The following BACH2 variants were observed in gnomAD, a reference collection of about 807,000 sequenced individuals.
BACH2 encodes BACH transcriptional regulator 2.
BACH2 carries 5 observed loss-of-function variants against 61.8 expected under a neutral mutation model. The observed-to-expected ratio is 0.08, with a 90% confidence interval of 0.04 to 0.17. The LOEUF is 0.17. Ranked by LOEUF, BACH2 falls within the 10% of genes least tolerant of loss-of-function variation. The pLI is 1.00. For missense variants in BACH2, 824 were observed against 1,091.1 expected, an observed-to-expected ratio of 0.76 and a Z score of 3.45; for synonymous variants, 446 against 440.1, an observed-to-expected ratio of 1.01 and a Z score of -0.17.
chr6:90,201,281 A>C (rs918848772), intron 4 of BACH2, among the ~76,000 whole-genome samples: 4 of 152,198 alleles, frequency 2.6e-5, no homozygotes, highest in Admixed American at 2.6e-4. Flanking sequence ...AAGTCCCCTT[A>C]AGAAAGGTGT....
chr6:90,013,882 C>T (rs1159578506), intron 5 of BACH2, among the ~76,000 whole-genome samples: 1 of 151,946 alleles, frequency 6.6e-6, no homozygotes, highest in Non-Finnish European at 1.5e-5. Flanking sequence ...TGGGCTCAAG[C>T]AATCTCCTGC....
intron 6 of BACH2, among the ~76,000 whole-genome samples, chr6:89,954,446 C>T (rs1450294099): frequency 1.1e-5 from 1 of 92,630 alleles, no homozygotes; most frequent in East Asian, 4.0e-4. Context: ...CTATCCCTCC[C>T]CCCTCCCCCC....
At chr6:89,985,402 C>T (rs1776186138) in intron 6 of BACH2, among the ~76,000 whole-genome samples, 1 of 152,168 alleles carries the variant, frequency 6.6e-6, no homozygotes, top group Admixed American at 6.5e-5. Context: ...GACAGGCCAT[C>T]TCCTCTCTGT....
At chr6:90,204,028 T>C (rs1769050713) in intron 4 of BACH2, among the ~76,000 whole-genome samples, 1 of 152,180 alleles carries the variant, frequency 6.6e-6, no homozygotes, top group Non-Finnish European at 1.5e-5. Context: ...CTGTGTTTTC[T>C]AGAGGGATGG....
chr6:90,202,869 A>G (rs1380603411), intron 4 of BACH2, among the ~76,000 whole-genome samples: 1 of 152,160 alleles, frequency 6.6e-6, no homozygotes, highest in East Asian at 1.9e-4. Context: ...GTCAGTATGC[A>G]CTGAACGTAC....
chr6:90,130,204 T>A (rs1210110055), intron 4 of BACH2, among the ~76,000 whole-genome samples: 1 of 152,112 alleles, frequency 6.6e-6, no homozygotes, highest in Non-Finnish European at 1.5e-5. Context: ...CACCGTTGAC[T>A]GGTGGAATTC....
chr6:89,998,567 T>A (rs1178345380), intron 6 of BACH2, among the ~76,000 whole-genome samples: 1 of 152,222 alleles, frequency 6.6e-6, no homozygotes, highest in Non-Finnish European at 1.5e-5. Flanking sequence ...AAGCCAATTC[T>A]TTTCTAGCCT....
At chr6:90,220,855 C>T (rs1769713818) in intron 3 of BACH2, among the ~76,000 whole-genome samples, 1 of 152,090 alleles carries the variant, frequency 6.6e-6, no homozygotes, top group South Asian at 2.1e-4. Context: ...TAGTTAACTA[C>T]CTGGTTTTCT....
At chr6:90,259,765 C>A (rs972861347) in intron 2 of BACH2, among the ~76,000 whole-genome samples, 8 of 152,174 alleles carry the variant, frequency 5.3e-5, no homozygotes, top group African/African-American at 1.9e-4. Flanking sequence ...CTGTTACAGG[C>A]TTTCTATTTC....
At chr6:90,016,846 T>C (rs78032275) in intron 5 of BACH2, among the ~76,000 whole-genome samples, 5,005 of 152,122 alleles carry the variant, frequency 0.033, 117 homozygotes, top group Non-Finnish European at 0.05. Context: ...AAATTGTCAT[T>C]CCACTGTCTT....
At chr6:90,169,409 C>T (rs1767738041) in intron 4 of BACH2, among the ~76,000 whole-genome samples, 1 of 152,160 alleles carries the variant, frequency 6.6e-6, no homozygotes, top group East Asian at 1.9e-4. Flanking sequence ...TCTGCAATAA[C>T]TCCTCCTATT....
intron 5 of BACH2, among the ~76,000 whole-genome samples, chr6:90,039,486 G>GCGA (rs1421051274): frequency 6.6e-6 from 1 of 152,178 alleles, no homozygotes; most frequent in Non-Finnish European, 1.5e-5. Context: ...CCAGGTTCAA[G>GCGA]CGATTCTCCA....
At chr6:90,034,626 A>T (rs1779174527) in intron 5 of BACH2, among the ~76,000 whole-genome samples, 1 of 152,204 alleles carries the variant, frequency 6.6e-6, no homozygotes, top group Non-Finnish European at 1.5e-5. Flanking sequence ...ATCAGGAAAG[A>T]TAATTATGCA....
At chr6:89,979,784 G>T (rs1267194037) in intron 6 of BACH2, among the ~76,000 whole-genome samples, 1 of 152,254 alleles carries the variant, frequency 6.6e-6, no homozygotes, top group South Asian at 2.1e-4. Flanking sequence ...CTGTTTCTAG[G>T]AAAAAATACA....
chr6:90,006,301 C>G (rs1439609784), intron 6 of BACH2, among the ~76,000 whole-genome samples: 1 of 152,188 alleles, frequency 6.6e-6, no homozygotes, highest in East Asian at 1.9e-4. Context: ...TTGTATTTAT[C>G]ATCTCACCTA....
At chr6:89,956,708 T>C (rs10944466) in intron 6 of BACH2, among the ~76,000 whole-genome samples, 17,736 of 152,186 alleles carry the variant, frequency 0.12, 1,186 homozygotes, top group East Asian at 0.18. Context: ...AACAGTTCCA[T>C]CTCTGGACTA....
chr6:90,171,820 T>C (rs566352756), intron 4 of BACH2, among the ~76,000 whole-genome samples: 46 of 152,248 alleles, frequency 3.0e-4, no homozygotes, highest in African/African-American at 1.1e-3. Context: ...ATTTCAAAAA[T>C]GACTAGGCAG....
intron 5 of BACH2, among the ~76,000 whole-genome samples, chr6:90,029,291 T>G (rs1163805974): frequency 6.6e-6 from 1 of 152,106 alleles, no homozygotes; most frequent in Non-Finnish European, 1.5e-5. Flanking sequence ...ACTTGGGCAA[T>G]TTATTTAAGT....
In BACH2 at chr6:89,927,122, C is replaced by G. The variant is rs1772395209; in HGVS notation, c.*5286G>C. On this transcript the variant is annotated 3_prime_UTR_variant, in exon 9 of 9. Coordinates refer to ENST00000257749, the MANE Select transcript of BACH2 (RefSeq NM_021813.4). The stretch of plus-strand genomic sequence containing the variant: ...TCAGACTGGTTCTGGAACAAATTGT[C>G]AAATTGTCACAGGCTCTCTTGGCCT... 6.5e-6 allele frequency: 1 copy of G among 152,754 alleles called. No individual in the cohort carries two copies. Among genetic ancestry groups the G allele is most frequent in the Non-Finnish European group, 1.5e-5 (1 of 68,034 alleles). The allele number at this position is 152,754 out of a possible 1,614,324, so 9.5% of individuals were successfully genotyped here.
Sources: allele counts gnomAD v4.1 joint callset (sites outside exome capture counted in the v4.1 genomes callset), GRCh38; gene constraint gnomAD v4.1.1; transcripts MANE v1.5; gene names NCBI Gene and HGNC (gene_info 2026-07-23, HGNC 2026-07-21).